Variants in CALHM4 observed in about 807,000 individuals in gnomAD.
The protein encoded by CALHM4 is calcium homeostasis modulator family member 4.
Under a neutral mutation model 13.3 loss-of-function variants are expected in CALHM4, and 16 were observed. The ratio of observed to expected loss-of-function variants is 1.20; its 90% CI spans 0.81 to 1.82. The LOEUF is 1.82. Ranked by LOEUF, CALHM4 falls within the 40% of genes most tolerant of loss-of-function variation. CALHM4 has a pLI of 0.00. For synonymous variants in CALHM4, 127 were observed against 137.1 expected (o/e 0.93, Z 0.52); for missense variants, 344 against 374.9 (o/e 0.92, Z 0.68).
At chr6:116,543,824 G>A (rs867395509) in exon 2 of CALHM4, 5 of 1,534,286 alleles carry the variant, frequency 3.3e-6, no homozygotes, top group South Asian at 2.4e-5. Flanking sequence ...ATGGCCCCCA[G>A]ATCTGCCAAG....
intron 2 of CALHM4, chr6:116,545,666 C>A: frequency 1.9e-6 from 1 of 533,532 alleles, no homozygotes; most frequent in Non-Finnish European, 3.2e-6. Context: ...TGCTTTTGCT[C>A]TTTGCTGAGC....
upstream of CALHM4, among the ~76,000 whole-genome samples, chr6:116,549,401 T>C (rs992648731): frequency 2.2e-4 from 33 of 152,224 alleles, no homozygotes; most frequent in Non-Finnish European, 4.1e-4. Context: ...CTTTGCTTTT[T>C]TAAATTTTTG....
At chr6:116,555,230 A>G (rs1393616444) in intron 1 of CALHM4, among the ~76,000 whole-genome samples, 1 of 152,164 alleles carries the variant, frequency 6.6e-6, no homozygotes, top group Non-Finnish European at 1.5e-5. Context: ...ATACCATTAG[A>G]TATGCTCTGT....
chr6:116,542,116 A>G (rs1280150246), intron 1 of CALHM4, among the ~76,000 whole-genome samples: 1 of 152,200 alleles, frequency 6.6e-6, no homozygotes, highest in Admixed American at 6.6e-5. Flanking sequence ...GTCAAATAAA[A>G]TGAAGTAATT....
chr6:116,557,957 C>A lies in CALHM4; in HGVS notation c.691C>A (p.Leu231Ile). 1 of 1,614,164 alleles carries A rather than the reference C, an allele frequency of 6.2e-7. No individual in the cohort carries two copies. The highest frequency in any genetic ancestry group is 8.5e-7 in the Non-Finnish European group (1 of 1,180,034). Residue 231 changes from leucine (L) to isoleucine (I), a missense_variant, in exon 2 of 2, where the codon CTC (leucine) becomes ATC (isoleucine). Transcript: ENST00000368596. Reference protein sequence around the residue: ...WTSHLQNERELFEQAAEQHSR... With the variant: ...WTSHLQNEREIFEQAAEQHSR... ...CAGCCACCTCCAGAATGAGAGAGAA[C>A]TCTTTGAACAAGCAGCAGAGCAGCA...
At chr6:116,553,474 T>C (rs1056367448), upstream of CALHM4, among the ~76,000 whole-genome samples, 3 of 152,194 alleles carry the variant, frequency 2.0e-5, no homozygotes, top group Non-Finnish European at 4.4e-5. Flanking sequence ...TTTTGTGTCA[T>C]ACAAAGCAGC....
In CALHM4 at chr6:116,560,015, T is replaced by C. The variant is rs1296071048; in HGVS notation, c.*1804T>C. On this transcript the variant is annotated 3_prime_UTR_variant, in exon 2 of 2. Coordinates refer to ENST00000368596, the MANE Select transcript of CALHM4 (RefSeq NM_001366078.2). ...CACTCAGTACTGATATGACATTACA[T>C]GAAGGATGTTAAAAATACAAATAGA... 6.6e-6 allele frequency among the ~76,000 whole-genome samples: 1 copy of C among 152,194 alleles called. No homozygotes were observed. Among genetic ancestry groups the C allele is most frequent in the East Asian group, 1.9e-4 (1 of 5,198 alleles).
At chr6:116,555,685 C>T (rs1281006284) in intron 1 of CALHM4, among the ~76,000 whole-genome samples, 1 of 152,186 alleles carries the variant, frequency 6.6e-6, no homozygotes, top group African/African-American at 2.4e-5. Context: ...CAAGATCATG[C>T]TATTTCCATT....
At position 116,545,724 on chromosome 6, in the gene CALHM4, T is replaced by C. The variant is rs114047440; in HGVS notation, c.-1+1852T>C. On this transcript the variant is annotated intron_variant, in intron 2 of 2. Transcript: ENST00000368597. ...ACAACAGGATTGTCTTATAGCCACG[T>C]AACTTGCCATGGATCAAATAACTGC... 2.0e-3 allele frequency: 764 copies of C among 376,422 alleles called. 6 individuals are homozygous for C. Among genetic ancestry groups the C allele is most frequent in the African/African-American group, 0.014 (681 of 48,172 alleles). The allele number at this position is 376,422 out of a possible 1,614,324, so 23.3% of individuals were successfully genotyped here.
Position 116,560,659 on chromosome 6 carries a change from G to T in CALHM4, c.*2448G>T, listed in dbSNP as rs1437963823. On this transcript the variant is annotated 3_prime_UTR_variant, in exon 2 of 2. Coordinates refer to ENST00000368596, the MANE Select transcript of CALHM4 (RefSeq NM_001366078.2). ...GGAATTTTTAGTATTTTGGGGGGGGGGGGGGCTATGGTCTATAGCATTTTT... is the reference window on the plus strand; with the variant it reads ...GGAATTTTTAGTATTTTGGGGGGGGTGGGGGCTATGGTCTATAGCATTTTT... 1.4e-5 allele frequency among the ~76,000 whole-genome samples: 2 copies of T among 146,712 alleles called. No individual in the cohort carries two copies. The highest frequency in any genetic ancestry group is 2.3e-4 in the South Asian group (1 of 4,386).
At position 116,554,068 on chromosome 6, in the gene CALHM4, T is replaced by C. The variant is rs763985556; in HGVS notation, c.275T>C (p.Ile92Thr). 29 of 1,550,506 alleles carry C rather than the reference T, an allele frequency of 1.9e-5. No homozygotes were observed. The highest frequency in any genetic ancestry group is 2.2e-5 in the Non-Finnish European group (25 of 1,147,006). ...AGCTGTGCCCCTCCATACAGGAGAA[T>C]CAGCCCCCTAGAGTGCAAGCTGGCT... The part of the protein sequence containing the change: ...CCSCAPPYRR[I>T]SPLECKLACL... Residue 92 changes from isoleucine (I) to threonine (T), a missense_variant, in exon 1 of 2, where the codon ATC (isoleucine) becomes ACC (threonine). Transcript: ENST00000368596.
Position 116,553,976 on chromosome 6 carries a change from G to C in CALHM4, c.183G>C (p.Leu61Phe). 1 of 1,550,584 alleles carries C rather than the reference G, an allele frequency of 6.4e-7. No homozygotes were observed. The highest frequency in any genetic ancestry group is 1.7e-4 in the Middle Eastern group (1 of 5,992). ...YGSAFLVIPALILLVAGFALR... is the reference protein window; with the variant it reads ...YGSAFLVIPAFILLVAGFALR... ...CTGCTTTTCTTGTCATTCCTGCCTT[G>C]ATCCTTCTCGTTGCTGGCTTTGCTC... The change falls in exon 1 of 2, where the codon TTG (leucine) becomes TTC (phenylalanine). Residue 61 changes from leucine to phenylalanine, a missense_variant. Transcript: ENST00000368596.
intron 1 of CALHM4, among the ~76,000 whole-genome samples, chr6:116,536,114 A>G (rs1050668423): frequency 4.6e-5 from 7 of 152,234 alleles, no homozygotes; most frequent in African/African-American, 1.7e-4. Context: ...GTCTTATTTA[A>G]TATTTGTAGT....
chr6:116,535,717 G>A (rs1773033205), intron 1 of CALHM4, among the ~76,000 whole-genome samples: 1 of 152,078 alleles, frequency 6.6e-6, no homozygotes, highest in Admixed American at 6.6e-5. Context: ...TAATTCTACT[G>A]AATATTACAC....
intron 1 of CALHM4, among the ~76,000 whole-genome samples, chr6:116,556,514 T>G (rs139324972): frequency 3.7e-4 from 57 of 152,336 alleles, no homozygotes; most frequent in African/African-American, 1.2e-3. Flanking sequence ...TAAATACCAC[T>G]TTGTAGGTTT....
At position 116,557,982 on chromosome 6, in the gene CALHM4, A is replaced by G. The variant is rs1774409199; in HGVS notation, c.716A>G (p.His239Arg). The G allele has an allele frequency of 1.2e-6, 2 of 1,613,790 alleles. No individual in the cohort carries two copies. Among genetic ancestry groups the G allele is most frequent in the Non-Finnish European group, 1.7e-6 (2 of 1,180,004 alleles). ...CTCTTTGAACAAGCAGCAGAGCAGC[A>G]CTCTCGGCTCCTCATGATGCATCGC... ...RELFEQAAEQ[H>R]SRLLMMHRIK... Residue 239 changes from histidine to arginine, a missense_variant, in exon 2 of 2, where the codon CAC (histidine) becomes CGC (arginine). Transcript: ENST00000368596.
At chr6:116,556,466 T>G (rs1165418236) in intron 1 of CALHM4, among the ~76,000 whole-genome samples, 2 of 152,226 alleles carry the variant, frequency 1.3e-5, no homozygotes, top group Non-Finnish European at 2.9e-5. Flanking sequence ...AGATGGCTTT[T>G]CCTCCGCCAT....
intron 1 of CALHM4, chr6:116,540,559 A>G (rs1773386921): frequency 8.0e-7 from 1 of 1,251,410 alleles, no homozygotes; most frequent in Non-Finnish European, 1.1e-6. Context: ...CACTTGTGCA[A>G]GTGAATCACA....
upstream of CALHM4, among the ~76,000 whole-genome samples, chr6:116,550,003 T>C (rs1562361009): frequency 7.5e-4 from 104 of 139,016 alleles, 1 homozygote; most frequent in African/African-American, 2.7e-3. Flanking sequence ...TATATATATA[T>C]ATATATATAT....
Sources: allele counts gnomAD v4.1 joint callset (sites outside exome capture counted in the v4.1 genomes callset), GRCh38; gene constraint gnomAD v4.1.1; transcripts MANE v1.5; gene names NCBI Gene and HGNC (gene_info 2026-07-23, HGNC 2026-07-21).